The following AHCY variants were observed in gnomAD, a reference collection of about 807,000 sequenced individuals.
AHCY encodes S-adenosyl-L-homocysteine hydrolase.
A neutral mutation model predicts 45.4 loss-of-function variants in AHCY; 24 were observed. The ratio of observed to expected loss-of-function variants is 0.53; its 90% CI spans 0.38 to 0.74. The LOEUF (loss-of-function observed/expected upper bound fraction) is 0.74. AHCY is among the 30% of genes least tolerant of loss of function. The pLI is 0.00. For missense variants in AHCY, 449 were observed against 594.1 expected (o/e 0.76, Z 2.54); for synonymous variants, 245 against 235.1 (o/e 1.04, Z -0.39).
chr20:34,297,392 G>A (rs1045454764), intron 1 of AHCY, among the ~76,000 whole-genome samples: 8 of 151,968 alleles, frequency 5.3e-5, no homozygotes, highest in Non-Finnish European at 1.0e-4. Flanking sequence ...CTCAGGTCCC[G>A]GTTCAAGCAA....
chr20:34,298,863 T>G (rs843900), intron 1 of AHCY, among the ~76,000 whole-genome samples: 132,370 of 152,020 alleles, frequency 0.87, 57,714 homozygotes, highest in Admixed American at 0.91. Flanking sequence ...CAGAAATAAT[T>G]GCGTAAGCTG....
the AHCY span, chr20:34,241,338 G>C: frequency 1.8e-6 from 1 of 551,840 alleles, no homozygotes; most frequent in Non-Finnish European, 2.3e-6. Context: ...CTTCCTGCCT[G>C]TGAGATGTGG....
At chr20:34,234,656 G>T in the AHCY span, among the ~76,000 whole-genome samples, 1 of 151,826 alleles carries the variant, frequency 6.6e-6, no homozygotes. Context: ...ACAAAAATTC[G>T]CCGGGCGTGG....
the AHCY span, among the ~76,000 whole-genome samples, chr20:34,270,351 A>C: frequency 6.6e-6 from 1 of 152,024 alleles, no homozygotes; most frequent in African/African-American, 2.4e-5. Flanking sequence ...AAACACACAC[A>C]CCCCCACACA....
At chr20:34,243,592 A>T in the AHCY span, among the ~76,000 whole-genome samples, 6 of 152,124 alleles carry the variant, frequency 3.9e-5, no homozygotes, top group Non-Finnish European at 8.8e-5. Flanking sequence ...AGGCACACAG[A>T]CATCTGCCAG....
intron 1 of AHCY, among the ~76,000 whole-genome samples, chr20:34,298,939 T>C (rs913852403): frequency 4.6e-5 from 7 of 152,162 alleles, no homozygotes; most frequent in African/African-American, 1.7e-4. Context: ...CCCTGTCCAG[T>C]GGACACGTGA....
At chr20:34,247,279 T>C in the AHCY span, among the ~76,000 whole-genome samples, 2 of 151,636 alleles carry the variant, frequency 1.3e-5, no homozygotes, top group South Asian at 2.1e-4. Flanking sequence ...ACGAAAGCTA[T>C]GATTATTACA....
At chr20:34,233,935 C>T in the AHCY span, among the ~76,000 whole-genome samples, 1 of 152,238 alleles carries the variant, frequency 6.6e-6, no homozygotes, top group Non-Finnish European at 1.5e-5. Flanking sequence ...AGCCAGTCAA[C>T]ACTCAGTGCA....
At chr20:34,306,378 T>C (rs1218279843), upstream of AHCY, among the ~76,000 whole-genome samples, 1 of 151,912 alleles carries the variant, frequency 6.6e-6, no homozygotes, top group Non-Finnish European at 1.5e-5. Flanking sequence ...TTCTTTTTTT[T>C]TTTTTTTGAG....
At chr20:34,270,933 C>T in the AHCY span, among the ~76,000 whole-genome samples, 1 of 152,112 alleles carries the variant, frequency 6.6e-6, no homozygotes, top group African/African-American at 2.4e-5. Context: ...GCTGAGATTA[C>T]AGACATGAGC....
intron 9 of AHCY, among the ~76,000 whole-genome samples, chr20:34,284,071 G>A (rs1442885082): frequency 2.0e-5 from 3 of 152,218 alleles, no homozygotes; most frequent in Non-Finnish European, 2.9e-5. Context: ...ACTGCATGGG[G>A]TGTTAGGGTG....
chr20:34,239,575 C>T, the AHCY span, among the ~76,000 whole-genome samples: 3 of 152,146 alleles, frequency 2.0e-5, no homozygotes, highest in Non-Finnish European at 2.9e-5. Flanking sequence ...GTTTTCAAGG[C>T]GTCTACATTA....
In AHCY at chr20:34,294,180, C is replaced by T. The variant is rs201135854; in HGVS notation, c.220-24G>A. 1.2e-4 allele frequency: 199 copies of T among 1,608,650 alleles called. 1 individual carries two copies. The highest frequency in any genetic ancestry group is 6.3e-4 in the South Asian group (57 of 90,638). On this transcript the variant is annotated intron_variant, in intron 2 of 9. Transcript: ENST00000217426. ...ACCTAGAAGAGCCATCAAAACAAGG[C>T]TGTTGGTCACTGATGGCTCAAAAGC...
chr20:34,254,597 T>C, the AHCY span, among the ~76,000 whole-genome samples: 1 of 152,346 alleles, frequency 6.6e-6, no homozygotes, highest in African/African-American at 2.4e-5. Context: ...ATTCATAGTC[T>C]GTATTCATCC....
At chr20:34,298,520 G>A (rs369256104) in intron 1 of AHCY, among the ~76,000 whole-genome samples, 6 of 149,950 alleles carry the variant, frequency 4.0e-5, no homozygotes, top group Non-Finnish European at 7.4e-5. Flanking sequence ...GAAGACGCCC[G>A]TTACCAGGCG....
At chr20:34,250,274 C>A in the AHCY span, 1 of 152,382 alleles carries the variant, frequency 6.6e-6, no homozygotes. Context: ...AGAGTTGTGC[C>A]TCATGAACAC....
intron 9 of AHCY, 25 bp from the exon 10 acceptor site, chr20:34,281,190 G>A (rs113958087): frequency 1.8e-5 from 29 of 1,611,798 alleles, no homozygotes; most frequent in African/African-American, 9.3e-5. Context: ...AGGAAGACCG[G>A]GAATCAGTGC....
chr20:34,273,591 C>T, the AHCY span, among the ~76,000 whole-genome samples: 2 of 152,192 alleles, frequency 1.3e-5, no homozygotes, highest in African/African-American at 4.8e-5. Flanking sequence ...GAAATTACCC[C>T]AGTCATACAG....
chr20:34,303,301 AG>A lies in AHCY; in HGVS notation c.-32del, dbSNP rs759878894. 1.9e-6 allele frequency: 3 copies of A among 1,551,620 alleles called. No homozygotes were observed. The highest frequency in any genetic ancestry group is 2.6e-6 in the Non-Finnish European group (3 of 1,146,992). ...CGGCACTCGTGATGGAAACGGGCGA[AG>A]GGGGCTGGGCCTCAGTCTGGGAACA... On this transcript the variant is annotated 5_prime_UTR_variant, in exon 1 of 10. Transcript: ENST00000217426.
Sources: allele counts gnomAD v4.1 joint callset (sites outside exome capture counted in the v4.1 genomes callset), GRCh38; gene constraint gnomAD v4.1.1; transcripts MANE v1.5; gene names NCBI Gene and HGNC (gene_info 2026-07-23, HGNC 2026-07-21).